ZNF469: variants seen among roughly 807,000 people sequenced by gnomAD.
The protein encoded by ZNF469 is zinc finger protein 469.
ZNF469 carries 1 observed loss-of-function variant against 1.0 expected under a neutral mutation model. The ratio of observed to expected loss-of-function variants is 1.00; its 90% CI spans 0.35 to 4.73. The LOEUF (loss-of-function observed/expected upper bound fraction) is 4.73, where lower values mean the gene tolerates loss of function less well. Among genes scored for constraint, ZNF469 ranks in the 30% most tolerant of loss-of-function variants. The pLI, the probability that ZNF469 is intolerant of heterozygous loss-of-function variation, is 0.16. For missense variants in ZNF469, 6,100 were observed against 5,356.3 expected, an observed-to-expected ratio of 1.14 and a Z score of -4.33; for synonymous variants, 2,703 against 2,363.4, an observed-to-expected ratio of 1.14 and a Z score of -4.17.
At chr16:88,197,907 C>T in the ZNF469 span, among the ~76,000 whole-genome samples, 49 of 152,232 alleles carry the variant, frequency 3.2e-4, 1 homozygote, top group Non-Finnish European at 2.2e-4. Context: ...GGCAGGCCTG[C>T]GTGTCTTTTG....
chr16:88,372,218 T>G, the ZNF469 span, among the ~76,000 whole-genome samples: 6 of 5,088 alleles, frequency 1.2e-3, no homozygotes, highest in South Asian at 9.3e-3. Flanking sequence ...ATCATCACCA[T>G]CACCACTATC....
the ZNF469 span, among the ~76,000 whole-genome samples, chr16:88,279,140 A>T: frequency 5.4e-5 from 7 of 128,598 alleles, no homozygotes; most frequent in South Asian, 1.8e-3. Context: ...GTGCTGCACC[A>T]CGCCGACACT....
chr16:88,334,952 C>T, the ZNF469 span, among the ~76,000 whole-genome samples: 301 of 148,858 alleles, frequency 2.0e-3, 4 homozygotes, highest in African/African-American at 7.1e-3. Flanking sequence ...AACGGAAGGA[C>T]ACATGTGTGA....
the ZNF469 span, among the ~76,000 whole-genome samples, chr16:88,371,488 T>C: frequency 6.6e-6 from 1 of 152,180 alleles, no homozygotes; most frequent in African/African-American, 2.4e-5. Flanking sequence ...ATGTGACAGA[T>C]GGGAAAACCA....
At chr16:88,201,503 C>T in the ZNF469 span, among the ~76,000 whole-genome samples, 7 of 151,846 alleles carry the variant, frequency 4.6e-5, no homozygotes, top group African/African-American at 1.5e-4. This position sits in a 1 kb window ranked among gnomAD's most constrained non-coding sequence, Gnocchi z 5.0. Context: ...TGCAGTGAGC[C>T]GAGATTGTGC....
chr16:88,427,807 G>C lies in ZNF469; in HGVS notation c.337G>C (p.Glu113Gln). 6.5e-7 allele frequency: 1 copy of C among 1,548,018 alleles called. No homozygotes were observed. The highest frequency in any genetic ancestry group is 2.0e-5 in the Admixed American group (1 of 50,994). ...QAPSRLAGRA[E>Q]GSPPQRYILG... ...TCCCTCAAGGCTGGCGGGCAGGGCA[G>C]AGGGCAGCCCCCCACAGCGCTACAT... The change falls in exon 3 of 3, where the codon GAG (glutamate) becomes CAG (glutamine). Residue 113 changes from glutamate (E) to glutamine (Q), a missense_variant. Transcript: ENST00000565624.
the ZNF469 span, among the ~76,000 whole-genome samples, chr16:88,305,024 G>C: frequency 6.6e-6 from 1 of 152,140 alleles, no homozygotes; most frequent in Admixed American, 6.5e-5. Context: ...CTGGAAGCTA[G>C]AGCAGTAGAG....
the ZNF469 span, among the ~76,000 whole-genome samples, chr16:88,333,990 G>C: frequency 1.3e-5 from 2 of 151,034 alleles, no homozygotes; most frequent in African/African-American, 4.9e-5. Flanking sequence ...GTGTATCTGT[G>C]TGTGTCTGTG....
chr16:88,340,858 A>T, the ZNF469 span, among the ~76,000 whole-genome samples: 1 of 152,100 alleles, frequency 6.6e-6, no homozygotes. Context: ...AGGGACCGTG[A>T]GAGGACTTGG....
the ZNF469 span, among the ~76,000 whole-genome samples, chr16:88,292,082 G>A: frequency 2.6e-5 from 4 of 152,186 alleles, no homozygotes; most frequent in Middle Eastern, 3.2e-3. Flanking sequence ...CTGGATATGC[G>A]GGTCACAATT....
chr16:88,420,060 C>T (rs979027095), intron 1 of ZNF469, among the ~76,000 whole-genome samples: 8 of 152,330 alleles, frequency 5.3e-5, no homozygotes, highest in South Asian at 4.1e-4. Flanking sequence ...GTCTGGAAAG[C>T]GGGGCCACAC....
At chr16:88,274,502 T>C in the ZNF469 span, among the ~76,000 whole-genome samples, 2 of 152,234 alleles carry the variant, frequency 1.3e-5, no homozygotes, top group Non-Finnish European at 2.9e-5. Context: ...ACCGCACCAA[T>C]AGAAGTTTCA....
the ZNF469 span, among the ~76,000 whole-genome samples, chr16:88,307,377 G>A: frequency 9.8e-5 from 15 of 152,290 alleles, no homozygotes; most frequent in East Asian, 3.9e-4. Flanking sequence ...ATTGCTGGTC[G>A]TACAGTCACT....
At chr16:88,261,816 G>A in the ZNF469 span, among the ~76,000 whole-genome samples, 5 of 152,140 alleles carry the variant, frequency 3.3e-5, no homozygotes, top group East Asian at 1.9e-4. This position sits in a 1 kb window ranked among gnomAD's most constrained non-coding sequence, Gnocchi z 6.0. Flanking sequence ...CAAGAATTCC[G>A]TCTGGATCTT....
Position 88,438,708 on chromosome 16 carries a change from T to A in ZNF469, c.11238T>A (p.Gly3746=), listed in dbSNP as rs779525596. 6.9e-5 allele frequency: 106 copies of A among 1,547,174 alleles called. No homozygotes were observed. In the African/African-American group the frequency reaches 1.3e-3, roughly 19 times the overall value. The change falls in exon 3 of 3, where the codon GGT becomes GGA. Residue 3746 remains glycine (G), a synonymous_variant. Transcript: ENST00000565624. ...GSPRPGTKTG[G]GSQPQPASGQ... ...CTCGCCCCGGCACCAAGACAGGAGG[T>A]GGCAGCCAGCCCCAGCCAGCCAGCG...
In ZNF469 at chr16:88,439,050, C is replaced by T; in HGVS notation, c.11580C>T (p.Thr3860=). The T allele has an allele frequency of 1.7e-5, 26 of 1,550,566 alleles. No individual in the cohort carries two copies. The highest frequency in any genetic ancestry group is 2.3e-5 in the Non-Finnish European group (26 of 1,146,982). Residue 3860 remains threonine (T), a synonymous_variant, in exon 3 of 3, where the codon ACC becomes ACT. Transcript: ENST00000565624. ...CAACTCCCAGCCGCGTGCTCCCGAC[C>T]AAGCCCAAGCCCAACAGCCAGAACA... ...KQATPSRVLP[T]KPKPNSQNKP...
chr16:88,113,030 G>T, the ZNF469 span, among the ~76,000 whole-genome samples: 1 of 151,996 alleles, frequency 6.6e-6, no homozygotes, highest in African/African-American at 2.4e-5. Context: ...CACCCGCCTT[G>T]GCCTCCCAAA....
At chr16:88,285,223 G>T in the ZNF469 span, among the ~76,000 whole-genome samples, 1 of 152,262 alleles carries the variant, frequency 6.6e-6, no homozygotes, top group Non-Finnish European at 1.5e-5. Context: ...GCTGTGGTAG[G>T]CAGGCAGCAT....
the ZNF469 span, among the ~76,000 whole-genome samples, chr16:88,200,666 C>G: frequency 6.6e-6 from 1 of 152,252 alleles, no homozygotes; most frequent in African/African-American, 2.4e-5. Flanking sequence ...AGACCAGGGA[C>G]CAGCAGCTGG....
Sources: allele counts gnomAD v4.1 joint callset (sites outside exome capture counted in the v4.1 genomes callset), GRCh38; gene constraint gnomAD v4.1.1; non-coding constraint Gnocchi (gnomAD v3.1); transcripts MANE v1.5; gene names NCBI Gene and HGNC (gene_info 2026-07-23, HGNC 2026-07-21).